Variants in ETFDH observed in about 807,000 individuals in gnomAD.
ETFDH encodes electron transfer flavoprotein-ubiquinone oxidoreductase, mitochondrial.
Under a neutral mutation model 73.2 loss-of-function variants are expected in ETFDH, and 61 were observed. The observed-to-expected ratio is 0.83, with a 90% CI of 0.68 to 1.03. ETFDH has a LOEUF of 1.03. ETFDH is among the 50% of genes least tolerant of loss of function. The pLI is 0.00. For missense variants in ETFDH, 685 were observed against 745.0 expected (o/e 0.92, Z 0.94); for synonymous variants, 243 against 253.3 (o/e 0.96, Z 0.39).
At chr4:158,678,519 T>C (rs1303941012) in intron 1 of ETFDH, among the ~76,000 whole-genome samples, 1 of 152,228 alleles carries the variant, frequency 6.6e-6, no homozygotes, top group Non-Finnish European at 1.5e-5. Context: ...TAAAGTGATA[T>C]CTGCCATATT....
Position 158,682,288 on chromosome 4 carries a change from T to A in ETFDH, c.269T>A (p.Leu90Ter), listed in dbSNP as rs749085653. The change falls in exon 3 of 13, where the codon TTG becomes TAG. Residue 90 changes from leucine to a stop codon, truncating the protein, a stop_gained. Transcript: ENST00000511912. LOFTEE classifies it high-confidence loss of function. ...GLSAAVRLKQ[L>*]AVAHEKDIRV... ...TCTGCAGCTGTTCGTCTAAAACAGT[T>A]GGCTGTGGCACATGAAAAGGACATC... 4.3e-6 allele frequency: 7 copies of A among 1,614,086 alleles called. No individual in the cohort carries two copies. The African/African-American group carries it at 9.3e-5, about 22-fold the overall frequency.
At chr4:158,695,762 T>C in intron 7 of ETFDH, 119 bp downstream of exon 7, 2 of 742,758 alleles carry the variant, frequency 2.7e-6, no homozygotes, top group South Asian at 3.3e-5. Context: ...TGTCTTGAAA[T>C]GTTCATTATG....
At chr4:158,694,106 A>C (rs1413310563) in intron 6 of ETFDH, among the ~76,000 whole-genome samples, 1 of 152,208 alleles carries the variant, frequency 6.6e-6, no homozygotes, top group Non-Finnish European at 1.5e-5. Flanking sequence ...ATTTGTAATT[A>C]TATACTCATG....
intron 6 of ETFDH, among the ~76,000 whole-genome samples, chr4:158,693,662 C>A (rs982766974): frequency 7.9e-5 from 12 of 152,138 alleles, no homozygotes; most frequent in African/African-American, 2.7e-4. Context: ...AATCAGAAAT[C>A]TAAGAGATGA....
chr4:158,707,613 C>T (rs1410090738), intron 12 of ETFDH, among the ~76,000 whole-genome samples: 1 of 152,240 alleles, frequency 6.6e-6, no homozygotes, highest in East Asian at 1.9e-4. Flanking sequence ...AGCATATTCA[C>T]ACCTAACATT....
intron 1 of ETFDH, among the ~76,000 whole-genome samples, chr4:158,673,297 C>T (rs1191124412): frequency 2.0e-5 from 3 of 151,926 alleles, no homozygotes; most frequent in South Asian, 4.1e-4. Flanking sequence ...AGCCAGACTC[C>T]GTCTCAAAAA....
At position 158,708,799 on chromosome 4, in the gene ETFDH, T is replaced by C. The variant is rs1480665816; in HGVS notation, c.*272T>C. The C allele has an allele frequency of 5.4e-6, 2 of 370,110 alleles. No individual in the cohort carries two copies. Among genetic ancestry groups the C allele is most frequent in the Non-Finnish European group, 9.9e-6 (2 of 201,856 alleles). 22.9% of individuals were successfully genotyped at this position (370,110 alleles called of 1,614,324 possible). A position where few individuals can be genotyped will look rare whatever the true frequency, so the allele number is the denominator to read the frequency against. On this transcript the variant is annotated 3_prime_UTR_variant, in exon 13 of 13. Transcript: ENST00000511912. ...GCAAAATTCACTACTGGACTTTACA[T>C]TTGACTTGCCAAAGTTAAGTAATCA...
In ETFDH at chr4:158,699,137, C is replaced by T. The variant is rs748640706; in HGVS notation, c.1116+7C>T. 1.2e-5 allele frequency: 20 copies of T among 1,609,084 alleles called. No individual in the cohort carries two copies. The South Asian group carries it at 2.1e-4, about 17-fold the overall frequency. On this transcript the variant is annotated splice_region_variant and intron_variant, in intron 9 of 12. Transcript: ENST00000511912. ...CAATGAAGGTGGCTTTCAGGTAACTCTTCCAACTTTTATTTTCCTTGTTTC... is the reference window on the plus strand; with the variant it reads ...CAATGAAGGTGGCTTTCAGGTAACTTTTCCAACTTTTATTTTCCTTGTTTC...
intron 9 of ETFDH, among the ~76,000 whole-genome samples, chr4:158,700,290 T>A (rs1774422527): frequency 6.6e-6 from 1 of 152,080 alleles, no homozygotes; most frequent in Non-Finnish European, 1.5e-5. Flanking sequence ...TTACTTCTCA[T>A]GAGATTGTTT....
chr4:158,689,638 T>TATATATATATA (rs1774109566), intron 5 of ETFDH, among the ~76,000 whole-genome samples: 1 of 73,744 alleles, frequency 1.4e-5, no homozygotes, highest in African/African-American at 5.9e-5. Context: ...ATATATATAT[T>TATATATATATA]GTGGGGGGGT....
chr4:158,684,383 C>T (rs1487069769), intron 3 of ETFDH, among the ~76,000 whole-genome samples: 1 of 78,048 alleles, frequency 1.3e-5, no homozygotes, highest in Non-Finnish European at 2.6e-5. Flanking sequence ...GAAAGAGACA[C>T]TGTCTCAAAA....
intron 12 of ETFDH, among the ~76,000 whole-genome samples, chr4:158,707,625 G>A (rs1216620794): frequency 3.3e-5 from 5 of 152,138 alleles, no homozygotes; most frequent in South Asian, 2.1e-4. Context: ...CCTAACATTC[G>A]TTATGTTACT....
At chr4:158,682,823 C>T (rs1019265357) in intron 3 of ETFDH, among the ~76,000 whole-genome samples, 9 of 152,046 alleles carry the variant, frequency 5.9e-5, no homozygotes, top group Admixed American at 3.9e-4. Flanking sequence ...GCATGAGCCA[C>T]CACGCCCAGC....
chr4:158,694,974 A>G (rs1774272058), intron 6 of ETFDH, among the ~76,000 whole-genome samples: 1 of 152,218 alleles, frequency 6.6e-6, no homozygotes, highest in Non-Finnish European at 1.5e-5. Context: ...GAACTCACAT[A>G]TATGAAAAAT....
intron 1 of ETFDH, chr4:158,679,146 T>C (rs764443381): frequency 2.2e-4 from 34 of 152,224 alleles, no homozygotes; most frequent in African/African-American, 8.2e-4. Context: ...ATGTGTATTC[T>C]ATTTCTGAAC....
At chr4:158,703,617 C>T in intron 10 of ETFDH, 26 bp downstream of exon 10, 2 of 1,436,530 alleles carry the variant, frequency 1.4e-6, no homozygotes, top group Non-Finnish European at 2.0e-6. Flanking sequence ...GTAAAGTATA[C>T]AAAAGAAAAT....
intron 2 of ETFDH, among the ~76,000 whole-genome samples, chr4:158,681,051 AAT>A (rs1773846341): frequency 7.3e-6 from 1 of 137,472 alleles, no homozygotes; most frequent in South Asian, 2.4e-4. Context: ...ACTCTTACTT[AAT>A]TTTTTTAAAA....
At chr4:158,708,287 T>C in intron 12 of ETFDH, 77 bp from the exon 13 acceptor site, 1 of 1,113,112 alleles carries the variant, frequency 9.0e-7, no homozygotes, top group East Asian at 2.5e-5. Context: ...GTGGCTACTC[T>C]TTCCTTAATT....
In ETFDH at chr4:158,706,727, GCT is replaced by G. The variant is rs727503919; in HGVS notation, c.1570_1571del (p.Leu524GlufsTer4). 2.5e-6 allele frequency: 4 copies of G among 1,613,668 alleles called. No homozygotes were observed. In the Admixed American group the frequency reaches 6.7e-5, roughly 27 times the overall value. On this transcript the variant is annotated frameshift_variant, in exon 12 of 13. Transcript: ENST00000511912. LOFTEE classifies it high-confidence loss of function. The stretch of plus-strand genomic sequence containing the variant: ...CAGTTTTGACCTCTTGTCATCTGTG[GCT>G]CTGAGTGGTACTAATCATGAACATG... ...QISFDLLSSV[A>X]LSGTNHEHDQ...
Sources: gnomAD v4.1 joint callset for allele counts (sites outside exome capture counted in the v4.1 genomes callset) on GRCh38, gnomAD v4.1.1 for gene constraint, MANE v1.5 for transcripts, NCBI Gene and HGNC (gene_info 2026-07-23, HGNC 2026-07-21) for gene names.